Variants in LRMDA observed in about 807,000 individuals in gnomAD.
LRMDA encodes leucine rich melanocyte differentiation associated.
A neutral mutation model predicts 29.8 loss-of-function variants in LRMDA; 18 were observed. The observed-to-expected ratio is 0.60, with a 90% CI of 0.42 to 0.90. The LOEUF is 0.90. Ranked by LOEUF, LRMDA falls within the 40% of genes least tolerant of loss-of-function variation. LRMDA has a pLI of 0.00. For missense variants in LRMDA, 273 were observed against 273.9 expected, an observed-to-expected ratio of 1.00 and a Z score of 0.02; for synonymous variants, 125 against 109.4, an observed-to-expected ratio of 1.14 and a Z score of -0.89.
At chr10:75,927,092 G>T (rs1161575554) in intron 2 of LRMDA, among the ~76,000 whole-genome samples, 1 of 152,162 alleles carries the variant, frequency 6.6e-6, no homozygotes, top group Non-Finnish European at 1.5e-5. Flanking sequence ...ATTTAGGATT[G>T]GAATGGATAG....
chr10:76,231,178 T>G (rs761064341), intron 5 of LRMDA, among the ~76,000 whole-genome samples: 1 of 151,792 alleles, frequency 6.6e-6, no homozygotes, highest in Non-Finnish European at 1.5e-5. Flanking sequence ...GAAAAAAAAA[T>G]CAAAGAAAGG....
At chr10:75,470,208 A>G (rs1207782833) in intron 2 of LRMDA, among the ~76,000 whole-genome samples, 2 of 152,128 alleles carry the variant, frequency 1.3e-5, no homozygotes, top group East Asian at 1.9e-4. Flanking sequence ...TCAAAACATA[A>G]AGGTGAGGCT....
intron 6 of LRMDA, among the ~76,000 whole-genome samples, chr10:76,542,054 CGTGT>C (rs34637437): frequency 0.34 from 51,717 of 150,088 alleles, 9,379 homozygotes; most frequent in African/African-American, 0.4. Flanking sequence ...GGTGTGTGCA[CGTGT>C]GTGTGTGTGT....
chr10:76,076,675 A>G (rs1167966450), intron 5 of LRMDA, among the ~76,000 whole-genome samples: 1 of 152,100 alleles, frequency 6.6e-6, no homozygotes, highest in Non-Finnish European at 1.5e-5. Context: ...GTGTTGTTAC[A>G]TGATCTCTAA....
At chr10:75,784,274 G>A (rs1165805547) in intron 2 of LRMDA, among the ~76,000 whole-genome samples, 2 of 152,212 alleles carry the variant, frequency 1.3e-5, no homozygotes, top group Non-Finnish European at 2.9e-5. Flanking sequence ...ATAAAATGGG[G>A]ATAGTAATAG....
chr10:76,298,685 T>C (rs150461283), intron 5 of LRMDA, among the ~76,000 whole-genome samples: 1 of 152,210 alleles, frequency 6.6e-6, no homozygotes, highest in African/African-American at 2.4e-5. Flanking sequence ...CAAGGAAGCA[T>C]GTAGTTAAAG....
At chr10:75,825,096 A>T (rs1844226418) in intron 2 of LRMDA, among the ~76,000 whole-genome samples, 2 of 152,214 alleles carry the variant, frequency 1.3e-5, no homozygotes. Context: ...GGAACACAGG[A>T]TAGAAGGCAC....
chr10:76,022,244 C>T (rs1847986247), intron 2 of LRMDA, among the ~76,000 whole-genome samples: 1 of 151,874 alleles, frequency 6.6e-6, no homozygotes, highest in Admixed American at 6.6e-5. Flanking sequence ...GGCAGAGTGT[C>T]TAATCCATAG....
intron 2 of LRMDA, among the ~76,000 whole-genome samples, chr10:75,657,721 C>G (rs530020154): frequency 1.3e-5 from 2 of 152,242 alleles, no homozygotes; most frequent in South Asian, 2.1e-4. Flanking sequence ...TTTAGGTTTG[C>G]TTCCAGGGTG....
chr10:76,434,390 C>G (rs1283410990), intron 6 of LRMDA, among the ~76,000 whole-genome samples: 1 of 152,016 alleles, frequency 6.6e-6, no homozygotes, highest in African/African-American at 2.4e-5. Context: ...CCCTCTTTCT[C>G]TCCCCTTTTT....
rs181605026 is a variant in LRMDA, at chr10:76,479,734, G to A, written c.602-77475G>A. On this transcript the variant is annotated intron_variant, in intron 6 of 6. Coordinates refer to ENST00000611255, the MANE Select transcript of LRMDA (RefSeq NM_001305581.2). The stretch of plus-strand genomic sequence containing the variant: ...AAAAATTTGCTTTGATTTATTTCAT[G>A]TACCTAAAAAGAGTATGACGGGTCG... Among the ~76,000 whole-genome samples the A allele has an allele frequency of 4.1e-4, 63 of 152,004 alleles. 1 individual carries two copies. The East Asian group carries it at 0.011, about 26-fold the overall frequency.
chr10:76,278,920 G>A (rs573998008), intron 5 of LRMDA, among the ~76,000 whole-genome samples: 1 of 152,318 alleles, frequency 6.6e-6, no homozygotes, highest in South Asian at 2.1e-4. Flanking sequence ...AAGGAAGAAT[G>A]AAATAAACAA....
At chr10:75,840,575 G>C (rs146119917) in intron 2 of LRMDA, among the ~76,000 whole-genome samples, 8 of 152,306 alleles carry the variant, frequency 5.3e-5, no homozygotes, top group African/African-American at 1.7e-4. Flanking sequence ...CTGTGTGTGT[G>C]TGCACACGAG....
chr10:75,634,994 C>G (rs550199586), intron 2 of LRMDA, among the ~76,000 whole-genome samples: 1 of 152,162 alleles, frequency 6.6e-6, no homozygotes, highest in South Asian at 2.1e-4. Flanking sequence ...GTTGAAATCC[C>G]ATGAAAAGGT....
At chr10:76,107,715 T>C (rs1222503189) in intron 5 of LRMDA, among the ~76,000 whole-genome samples, 1 of 152,222 alleles carries the variant, frequency 6.6e-6, no homozygotes, top group Non-Finnish European at 1.5e-5. Context: ...CCTGTGTGGC[T>C]CCTCTGACCC....
At chr10:76,317,270 A>G (rs931139750) in intron 5 of LRMDA, among the ~76,000 whole-genome samples, 5 of 152,248 alleles carry the variant, frequency 3.3e-5, no homozygotes, top group Non-Finnish European at 5.9e-5. Context: ...CATATCTCAT[A>G]CATTGGATAA....
At chr10:75,477,431 GA>G (rs1844809378) in intron 2 of LRMDA, among the ~76,000 whole-genome samples, 1 of 152,160 alleles carries the variant, frequency 6.6e-6, no homozygotes, top group African/African-American at 2.4e-5. Flanking sequence ...CTTGCCCTAG[GA>G]AAGCCCTTAT....
intron 2 of LRMDA, among the ~76,000 whole-genome samples, chr10:75,950,046 G>A (rs1477558194): frequency 6.6e-6 from 1 of 152,198 alleles, no homozygotes; most frequent in African/African-American, 2.4e-5. Flanking sequence ...AGAAAATCTA[G>A]AAGAGTCCTT....
At chr10:76,241,215 T>A (rs977047093) in intron 5 of LRMDA, among the ~76,000 whole-genome samples, 6 of 152,098 alleles carry the variant, frequency 3.9e-5, no homozygotes, top group Non-Finnish European at 2.9e-5. Flanking sequence ...ACTAAAGACC[T>A]TATTCATGTA....
Sources: gnomAD v4.1 joint callset for allele counts (sites outside exome capture counted in the v4.1 genomes callset) on GRCh38, gnomAD v4.1.1 for gene constraint, MANE v1.5 for transcripts, NCBI Gene and HGNC (gene_info 2026-07-23, HGNC 2026-07-21) for gene names.